Variants in SAMMSON observed in about 807,000 individuals in gnomAD.
SAMMSON encodes survival associated mitochondrial melanoma specific oncogenic non-coding RNA, also known as long intergenic non-protein coding RNA 1212.
At chr3:70,060,598 C>T (rs2067183837) in intron 3 of SAMMSON, among the ~76,000 whole-genome samples, 1 of 152,002 alleles carries the variant, frequency 6.6e-6, no homozygotes, top group Non-Finnish European at 1.5e-5. Flanking sequence ...ATTATGATGG[C>T]TTATTATTTC....
At chr3:70,247,898 G>A (rs1399486505) in intron 4 of SAMMSON, among the ~76,000 whole-genome samples, 5 of 151,994 alleles carry the variant, frequency 3.3e-5, no homozygotes, top group Non-Finnish European at 5.9e-5. Context: ...ATAAGTTTCT[G>A]TTTTCTGTAG....
At chr3:70,115,661 AG>A (rs1373999761) in intron 4 of SAMMSON, among the ~76,000 whole-genome samples, 5 of 152,170 alleles carry the variant, frequency 3.3e-5, no homozygotes, top group Non-Finnish European at 5.9e-5. Flanking sequence ...CAGTAGATGA[AG>A]GCATTTGTAA....
intron 2 of SAMMSON, among the ~76,000 whole-genome samples, chr3:70,426,443 T>C (rs1168032469): frequency 1.3e-5 from 2 of 152,216 alleles, no homozygotes; most frequent in African/African-American, 2.4e-5. Context: ...GTTTCTCCCA[T>C]TGAAATGGTA....
chr3:70,128,347 A>G (rs2106672316), intron 4 of SAMMSON, among the ~76,000 whole-genome samples: 1 of 152,368 alleles, frequency 6.6e-6, no homozygotes, highest in East Asian at 1.9e-4. Context: ...TGAATGTTCC[A>G]ATAAATACTA....
At chr3:70,342,795 C>T (rs543077070) in intron 7 of SAMMSON, among the ~76,000 whole-genome samples, 1 of 152,232 alleles carries the variant, frequency 6.6e-6, no homozygotes, top group Non-Finnish European at 1.5e-5. Flanking sequence ...GATTATGTTT[C>T]TTTTTGTCTA....
At position 70,191,885 on chromosome 3, in the gene SAMMSON, T is replaced by TAA. The variant is rs11407511; in HGVS notation, n.508-57208_508-57207dup. Among the ~76,000 whole-genome samples the TAA allele has an allele frequency of 3.0e-3, 408 of 134,918 alleles. 1 individual carries two copies. Among genetic ancestry groups the TAA allele is most frequent in the Middle Eastern group, 0.019 (5 of 260 alleles). The allele number at this position is 134,918 out of a possible 152,430, so 88.5% of individuals were successfully genotyped here. A position where few individuals can be genotyped will look rare whatever the true frequency, so the allele number is the denominator to read the frequency against. On this transcript the variant is annotated intron_variant and non_coding_transcript_variant, in intron 4 of 9. Coordinates refer to ENST00000642114, the Ensembl canonical transcript of SAMMSON. ...CTTAATCTCTTTAAGACTCTTTCCC[T>TAA]AAAAAAAAAAAAAAAGGAAATAATA...
intron 4 of SAMMSON, among the ~76,000 whole-genome samples, chr3:70,102,797 G>A (rs891521426): frequency 9.9e-5 from 15 of 152,118 alleles, no homozygotes; most frequent in African/African-American, 3.6e-4. Context: ...CATAGAGAGC[G>A]AAAGTTAATG....
At chr3:70,210,902 C>A (rs747976132) in intron 4 of SAMMSON, among the ~76,000 whole-genome samples, 1 of 152,068 alleles carries the variant, frequency 6.6e-6, no homozygotes, top group Non-Finnish European at 1.5e-5. Context: ...TACTGTTGAG[C>A]AAATGTTATT....
At chr3:70,162,474 G>C (rs1382431135) in intron 4 of SAMMSON, among the ~76,000 whole-genome samples, 1 of 151,586 alleles carries the variant, frequency 6.6e-6, no homozygotes, top group East Asian at 1.9e-4. Context: ...CCGATTTCCA[G>C]TTTAATTCCA....
intron 4 of SAMMSON, among the ~76,000 whole-genome samples, chr3:70,187,127 A>T (rs1405746671): frequency 2.0e-5 from 3 of 152,192 alleles, no homozygotes; most frequent in Non-Finnish European, 4.4e-5. Context: ...GTAGGAGGGT[A>T]GGAAGAGGAT....
intron 4 of SAMMSON, among the ~76,000 whole-genome samples, chr3:70,246,312 A>G (rs1333267766): frequency 6.6e-6 from 1 of 152,126 alleles, no homozygotes; most frequent in Non-Finnish European, 1.5e-5. Flanking sequence ...TGTCAGAAAC[A>G]GTTTGAACGT....
At chr3:70,225,085 A>C (rs1014699865) in intron 4 of SAMMSON, among the ~76,000 whole-genome samples, 1 of 152,212 alleles carries the variant, frequency 6.6e-6, no homozygotes, top group East Asian at 1.9e-4. Context: ...AAAGTTACAG[A>C]ATAAATATAT....
intron 2 of SAMMSON, among the ~76,000 whole-genome samples, chr3:70,420,545 A>G (rs1701302943): frequency 6.6e-6 from 1 of 152,236 alleles, no homozygotes; most frequent in Non-Finnish European, 1.5e-5. Flanking sequence ...TTTACATGCA[A>G]TCTTAATGAT....
intron 4 of SAMMSON, among the ~76,000 whole-genome samples, chr3:70,229,706 A>G (rs1701540676): frequency 1.3e-5 from 2 of 152,172 alleles, no homozygotes; most frequent in South Asian, 4.1e-4. Context: ...CAGAGCCACA[A>G]AATAGAAAAA....
rs192222497 is a variant in SAMMSON at position 70,019,237 on chromosome 3, A to G, written n.417+5565A>G. ...AGTCTAAGTCTGTTTCTAGATCTCT[A>G]AGGACTTGCTTTATGAATCTGGGTG... is the stretch of plus-strand genomic sequence containing the variant. On this transcript the variant is annotated intron_variant and non_coding_transcript_variant, in intron 3 of 9. Coordinates refer to ENST00000642114, the Ensembl canonical transcript of SAMMSON. 1.3e-3 allele frequency among the ~76,000 whole-genome samples: 191 copies of G among 152,274 alleles called. 2 individuals carry two copies. Among genetic ancestry groups the G allele is most frequent in the African/African-American group, 4.5e-3 (188 of 41,558 alleles).
intron 4 of SAMMSON, among the ~76,000 whole-genome samples, chr3:70,111,212 C>A (rs901441978): frequency 6.6e-6 from 1 of 152,086 alleles, no homozygotes; most frequent in African/African-American, 2.4e-5. Flanking sequence ...AGTGAAGGTG[C>A]TTTCTGACCC....
At chr3:70,306,352 C>G (rs948323125) in intron 7 of SAMMSON, among the ~76,000 whole-genome samples, 6 of 152,144 alleles carry the variant, frequency 3.9e-5, no homozygotes, top group African/African-American at 7.2e-5. Flanking sequence ...ACCTCATGAT[C>G]TACCCGCCTC....
chr3:70,282,024 G>A (rs749102313), intron 6 of SAMMSON, among the ~76,000 whole-genome samples: 2 of 152,146 alleles, frequency 1.3e-5, no homozygotes, highest in Non-Finnish European at 2.9e-5. Context: ...CACCAGGGGT[G>A]CAGTCTAGGT....
At chr3:70,126,004 T>C (rs776882351) in intron 4 of SAMMSON, 44 of 822,320 alleles carry the variant, frequency 5.4e-5, no homozygotes, top group Non-Finnish European at 7.1e-5. Context: ...GATGGGAGGC[T>C]GCGCAGTAAT....
Sources: allele counts gnomAD v4.1 joint callset (sites outside exome capture counted in the v4.1 genomes callset), GRCh38; gene constraint gnomAD v4.1.1; transcripts MANE v1.5; gene names NCBI Gene and HGNC (gene_info 2026-07-23, HGNC 2026-07-21).